ZDHHC2: variants seen among roughly 807,000 people sequenced by gnomAD.
ZDHHC2 encodes palmitoyltransferase ZDHHC2.
ZDHHC2 carries 51 observed loss-of-function variants against 55.6 expected under a neutral mutation model. That is an observed-to-expected ratio of 0.92 (90% CI 0.73 to 1.16). The LOEUF is 1.16. ZDHHC2 is among the 50% of genes most tolerant of loss of function. ZDHHC2 has a pLI of 0.00. For missense variants in ZDHHC2, 491 were observed against 442.4 expected (o/e 1.11, Z -0.99); for synonymous variants, 199 against 152.9 (o/e 1.30, Z -2.22).
At chr8:17,164,065 T>C (rs1004755535) in intron 1 of ZDHHC2, among the ~76,000 whole-genome samples, 14 of 152,282 alleles carry the variant, frequency 9.2e-5, no homozygotes, top group African/African-American at 3.4e-4. Context: ...CTGGGTAGGA[T>C]GCTCTGATTT....
intron 6 of ZDHHC2, among the ~76,000 whole-genome samples, chr8:17,199,152 A>G (rs1806482345): frequency 6.6e-6 from 1 of 152,176 alleles, no homozygotes; most frequent in Non-Finnish European, 1.5e-5. Flanking sequence ...GGTCCACAGT[A>G]GGTATAGGGT....
intron 12 of ZDHHC2, among the ~76,000 whole-genome samples, chr8:17,219,674 G>A (rs1272035678): frequency 6.6e-6 from 1 of 152,148 alleles, no homozygotes; most frequent in African/African-American, 2.4e-5. Flanking sequence ...GCTGAGGTGG[G>A]AGGATGAGAG....
intron 6 of ZDHHC2, among the ~76,000 whole-genome samples, chr8:17,202,338 G>GAA (rs538628782): frequency 6.6e-6 from 1 of 151,760 alleles, no homozygotes; most frequent in Non-Finnish European, 1.5e-5. Flanking sequence ...TTTTACAGGG[G>GAA]AAAAAAATGA....
intron 10 of ZDHHC2, among the ~76,000 whole-genome samples, chr8:17,212,604 A>G (rs1435513657): frequency 6.6e-6 from 1 of 152,168 alleles, no homozygotes; most frequent in Non-Finnish European, 1.5e-5. Context: ...CCCTGCTCCC[A>G]TGGATTACTT....
chr8:17,199,509 T>TTCTTCGTCTTCTTCTTCGTCTTCG (rs1806543074), intron 6 of ZDHHC2, among the ~76,000 whole-genome samples: 1 of 121,114 alleles, frequency 8.3e-6, no homozygotes, highest in African/African-American at 3.7e-5. Context: ...CTTCTTCTTC[T>TTCTTCGTCTTCTTCTTCGTCTTCG]TCTTCGTCTT....
chr8:17,189,045 C>G (rs904693149), intron 3 of ZDHHC2, among the ~76,000 whole-genome samples: 1 of 151,772 alleles, frequency 6.6e-6, no homozygotes, highest in Non-Finnish European at 1.5e-5. Flanking sequence ...GTCCAAGCCA[C>G]CATCCTCTCT....
chr8:17,215,458 T>G, intron 11 of ZDHHC2, 109 bp downstream of exon 11: 1 of 841,230 alleles, frequency 1.2e-6, no homozygotes, highest in Non-Finnish European at 1.9e-6. Flanking sequence ...TAGTTTGGAG[T>G]CAGACTTCTA....
intron 1 of ZDHHC2, among the ~76,000 whole-genome samples, chr8:17,167,535 C>T (rs1804662923): frequency 6.6e-6 from 1 of 151,964 alleles, no homozygotes; most frequent in African/African-American, 2.4e-5. Flanking sequence ...GAACTCCTGA[C>T]CTCAGGTGAT....
chr8:17,200,447 CTG>C (rs1806696236), intron 6 of ZDHHC2, among the ~76,000 whole-genome samples: 1 of 152,204 alleles, frequency 6.6e-6, no homozygotes, highest in Non-Finnish European at 1.5e-5. Flanking sequence ...TTCTGGATAA[CTG>C]TATACTCCAG....
chr8:17,187,573 A>G lies in ZDHHC2; in HGVS notation c.252+1148A>G, dbSNP rs144492418. On this transcript the variant is annotated intron_variant, in intron 3 of 12. Coordinates refer to ENST00000262096, the MANE Select transcript of ZDHHC2 (RefSeq NM_016353.5). The stretch of plus-strand genomic sequence containing the variant: ...ATGGTATGCCTGGCTTAGAATGCCT[A>G]TCTATTGCCTGTTTTTCTTCTATTC... 7.5e-3 allele frequency among the ~76,000 whole-genome samples: 1,141 copies of G among 152,204 alleles called. 14 individuals carry two copies. The highest frequency in any genetic ancestry group is 0.026 in the African/African-American group (1,094 of 41,540).
At chr8:17,186,900 A>C (rs1339654436) in intron 3 of ZDHHC2, among the ~76,000 whole-genome samples, 3 of 152,206 alleles carry the variant, frequency 2.0e-5, no homozygotes, top group African/African-American at 7.2e-5. Context: ...TTTCTCTGCC[A>C]CGTGTAGCCT....
At chr8:17,164,829 T>C (rs1804524596) in intron 1 of ZDHHC2, among the ~76,000 whole-genome samples, 3 of 152,248 alleles carry the variant, frequency 2.0e-5, no homozygotes, top group Admixed American at 6.5e-5. Context: ...AATTAAATTC[T>C]GTCTCTGTGT....
At chr8:17,174,869 C>T (rs1360654645) in intron 1 of ZDHHC2, among the ~76,000 whole-genome samples, 1 of 151,852 alleles carries the variant, frequency 6.6e-6, no homozygotes, top group Non-Finnish European at 1.5e-5. Flanking sequence ...CGCCACCACA[C>T]CCAGCTAATT....
chr8:17,190,056 C>T (rs1805938383), intron 3 of ZDHHC2, among the ~76,000 whole-genome samples: 1 of 152,002 alleles, frequency 6.6e-6, no homozygotes, highest in South Asian at 2.1e-4. Flanking sequence ...TCAATTGAAG[C>T]ATGGGGGAAA....
At chr8:17,188,144 A>G (rs1181697634) in intron 3 of ZDHHC2, among the ~76,000 whole-genome samples, 1 of 152,194 alleles carries the variant, frequency 6.6e-6, no homozygotes, top group Non-Finnish European at 1.5e-5. Flanking sequence ...CTAATGGCCT[A>G]TCATCTACTT....
chr8:17,180,551 A>G (rs141365036), intron 1 of ZDHHC2, among the ~76,000 whole-genome samples: 2 of 152,278 alleles, frequency 1.3e-5, no homozygotes, highest in East Asian at 3.9e-4. Flanking sequence ...TACAGTTAAT[A>G]TTATCAAGAT....
At chr8:17,176,580 G>T (rs1041813840) in intron 1 of ZDHHC2, among the ~76,000 whole-genome samples, 1 of 152,048 alleles carries the variant, frequency 6.6e-6, no homozygotes, top group Non-Finnish European at 1.5e-5. Flanking sequence ...GCTGAGTGCC[G>T]TGATCAAGAT....
At chr8:17,182,094 G>T (rs560886653) in intron 1 of ZDHHC2, among the ~76,000 whole-genome samples, 1 of 152,266 alleles carries the variant, frequency 6.6e-6, no homozygotes, top group African/African-American at 2.4e-5. Context: ...ACCTTGCATA[G>T]TCCATATATC....
At chr8:17,219,049 A>C (rs1807782202) in intron 12 of ZDHHC2, among the ~76,000 whole-genome samples, 1 of 151,954 alleles carries the variant, frequency 6.6e-6, no homozygotes, top group African/African-American at 2.4e-5. Flanking sequence ...CAGGAGCTCA[A>C]GACCAGCCTA....
Sources: gnomAD v4.1 joint callset for allele counts (sites outside exome capture counted in the v4.1 genomes callset) on GRCh38, gnomAD v4.1.1 for gene constraint, MANE v1.5 for transcripts, NCBI Gene and HGNC (gene_info 2026-07-23, HGNC 2026-07-21) for gene names.